The following PDYN variants were observed in gnomAD, a reference collection of about 807,000 sequenced individuals.
PDYN encodes the protein proenkephalin-B.
PDYN carries 5 observed loss-of-function variants against 11.4 expected under a neutral mutation model. The ratio of observed to expected loss-of-function variants is 0.44; its 90% CI spans 0.23 to 0.92. The LOEUF is 0.92. PDYN is among the 40% of genes least tolerant of loss of function. The pLI, the probability that PDYN is intolerant of heterozygous loss-of-function variation, is 0.24. For missense variants in PDYN, 337 were observed against 317.3 expected (o/e 1.06, Z -0.47); for synonymous variants, 132 against 129.5 (o/e 1.02, Z -0.13).
chr20:1,980,749 T>G lies in PDYN; in HGVS notation c.339A>C (p.Pro113=). 5 of 1,614,192 alleles carry G rather than the reference T, an allele frequency of 3.1e-6. No homozygotes were observed. Among genetic ancestry groups the G allele is most frequent in the Non-Finnish European group, 4.2e-6 (5 of 1,180,026 alleles). ...GAGTGTTCTCCTTTGTTGAGATACTTGGGAGAAACTTGCTTTTCTCCAGCT... is the reference window on the plus strand; with the variant it reads ...GAGTGTTCTCCTTTGTTGAGATACTGGGGAGAAACTTGCTTTTCTCCAGCT... ...LKELEKSKFL[P]SISTKENTLS... The change falls in exon 4 of 4, where the codon CCA becomes CCC. Residue 113 remains proline, a synonymous_variant. Coordinates refer to ENST00000217305, the MANE Select transcript of PDYN (RefSeq NM_024411.5).
In PDYN at chr20:1,980,767, C is replaced by A. The variant is rs761883755; in HGVS notation, c.321G>T (p.Glu107Asp). 9.9e-6 allele frequency: 16 copies of A among 1,614,188 alleles called. No individual in the cohort carries two copies. The highest frequency in any genetic ancestry group is 1.4e-5 in the Non-Finnish European group (16 of 1,180,032). Residue 107 changes from glutamate to aspartate, a missense_variant, in exon 4 of 4, where the codon GAG (glutamate) becomes GAT (aspartate). Glu to Asp is a conservative substitution (Grantham distance 45). Coordinates refer to ENST00000217305, the MANE Select transcript of PDYN (RefSeq NM_024411.5). ...AGATACTTGGGAGAAACTTGCTTTT[C>A]TCCAGCTCCTTCAGGAATGACCCAG... ...KLSGSFLKEL[E>D]KSKFLPSIST... is the part of the protein sequence containing the mutation.
At chr20:1,989,178 C>A (rs12480838) in intron 2 of PDYN, among the ~76,000 whole-genome samples, 1 of 151,980 alleles carries the variant, frequency 6.6e-6, no homozygotes, top group Non-Finnish European at 1.5e-5. Flanking sequence ...ATTTTTTATG[C>A]CTTGCTAGTG....
chr20:1,980,935 A>G lies in PDYN; in HGVS notation c.153T>C (p.Ala51=), dbSNP rs1325037137. 5 of 1,614,174 alleles carry G rather than the reference A, an allele frequency of 3.1e-6. No homozygotes were observed. The highest frequency in any genetic ancestry group is 4.2e-6 in the Non-Finnish European group (5 of 1,180,046). Residue 51 remains alanine (A), a synonymous_variant, in exon 4 of 4, where the codon GCT becomes GCC. Coordinates refer to ENST00000217305, the MANE Select transcript of PDYN (RefSeq NM_024411.5). The part of the protein sequence containing the change: ...NPLICSLQCQ[A]ALLPSEEWER... ...CCCATTCCTCAGAGGGCAGCAGGGCAGCCTGGCATTGCAGGGAGCAAATCT... is the reference window on the plus strand; with the variant it reads ...CCCATTCCTCAGAGGGCAGCAGGGCGGCCTGGCATTGCAGGGAGCAAATCT...
chr20:1,980,225 G>T lies in PDYN; in HGVS notation c.*98C>A. ...TATTTTGTACACAATGCTGAGCTGA[G>T]CATGGGGAAGGGGCACATATAAGAG... On this transcript the variant is annotated 3_prime_UTR_variant, in exon 4 of 4. Transcript: ENST00000217305. 8.4e-7 allele frequency: 1 copy of T among 1,184,216 alleles called. No individual in the cohort carries two copies. The highest frequency in any genetic ancestry group is 1.3e-6 in the Non-Finnish European group (1 of 791,994). The allele number at this position is 1,184,216 out of a possible 1,614,324, so 73.4% of individuals were successfully genotyped here. A position where few individuals can be genotyped will look rare whatever the true frequency, so the allele number is the denominator to read the frequency against.
At chr20:1,981,554 C>A (rs1011293155) in intron 3 of PDYN, among the ~76,000 whole-genome samples, 1 of 152,148 alleles carries the variant, frequency 6.6e-6, no homozygotes, top group East Asian at 1.9e-4. Context: ...CATGCTTAAA[C>A]GTGGTGCTCT....
intron 2 of PDYN, among the ~76,000 whole-genome samples, chr20:1,987,439 G>T (rs2122374047): frequency 6.6e-6 from 1 of 152,276 alleles, no homozygotes; most frequent in Non-Finnish European, 1.5e-5. Flanking sequence ...TGGGGACATT[G>T]AGCCTGTATT....
intron 2 of PDYN, among the ~76,000 whole-genome samples, chr20:1,984,281 T>C (rs1988031033): frequency 6.6e-6 from 1 of 152,226 alleles, no homozygotes; most frequent in Non-Finnish European, 1.5e-5. Flanking sequence ...TCCTTCTTTG[T>C]CATTAAATTA....
rs767631485 is a variant in PDYN at position 1,979,563 on chromosome 20, C to G, written c.*760G>C. ...ATCATTTCCGAAAGAGGTTTTCACTCCCTTCTGTAAGGAGTTAGGCACTGT... is the reference window on the plus strand; with the variant it reads ...ATCATTTCCGAAAGAGGTTTTCACTGCCTTCTGTAAGGAGTTAGGCACTGT... On this transcript the variant is annotated 3_prime_UTR_variant, in exon 4 of 4. Coordinates refer to ENST00000217305, the MANE Select transcript of PDYN (RefSeq NM_024411.5). 3.5e-4 allele frequency: 53 copies of G among 152,248 alleles called. No individual in the cohort carries two copies. The highest frequency in any genetic ancestry group is 3.3e-3 in the Admixed American group (51 of 15,270). The allele number at this position is 152,248 out of a possible 1,614,324, so 9.4% of individuals were successfully genotyped here.
At chr20:1,982,864 A>C (rs1485820593) in intron 3 of PDYN, 92 bp downstream of exon 3, 1 of 1,385,484 alleles carries the variant, frequency 7.2e-7, no homozygotes, top group African/African-American at 1.4e-5. Flanking sequence ...ACAAGACAGC[A>C]CACAGCTGCC....
At chr20:1,992,354 G>T (rs1988485940) in intron 2 of PDYN, among the ~76,000 whole-genome samples, 1 of 152,146 alleles carries the variant, frequency 6.6e-6, no homozygotes, top group Admixed American at 6.5e-5. Flanking sequence ...CGTGTTTTAA[G>T]ATCGCAAATC....
chr20:1,983,289 A>C (rs1987950276), intron 2 of PDYN, among the ~76,000 whole-genome samples, 186 bp from the exon 3 acceptor site: 1 of 152,178 alleles, frequency 6.6e-6, no homozygotes, highest in African/African-American at 2.4e-5. Flanking sequence ...GGGTCAAGGA[A>C]GGGAATGAGC....
chr20:1,989,812 C>T (rs1336601049), intron 2 of PDYN, among the ~76,000 whole-genome samples: 1 of 152,140 alleles, frequency 6.6e-6, no homozygotes, highest in Non-Finnish European at 1.5e-5. Context: ...ACCGTGACTC[C>T]CACTAAAGAG....
At chr20:1,984,399 A>G (rs1988039084) in intron 2 of PDYN, among the ~76,000 whole-genome samples, 1 of 152,052 alleles carries the variant, frequency 6.6e-6, no homozygotes, top group African/African-American at 2.4e-5. Context: ...CCCACCTCAT[A>G]GTCTCCTATC....
At chr20:1,986,256 T>C (rs1988179112) in intron 2 of PDYN, among the ~76,000 whole-genome samples, 2 of 152,174 alleles carry the variant, frequency 1.3e-5, no homozygotes, top group African/African-American at 4.8e-5. Context: ...GTGGCAAAGC[T>C]GGGATTCCTA....
chr20:1,990,017 C>G (rs1734862570), intron 2 of PDYN, among the ~76,000 whole-genome samples: 1 of 152,224 alleles, frequency 6.6e-6, no homozygotes, highest in South Asian at 2.1e-4. Context: ...GGTCACAGAG[C>G]ATGGCAGAGT....
At chr20:1,988,440 G>A (rs6136643) in intron 2 of PDYN, among the ~76,000 whole-genome samples, 1 of 152,192 alleles carries the variant, frequency 6.6e-6, no homozygotes, top group Non-Finnish European at 1.5e-5. Flanking sequence ...CGACCTTTCT[G>A]ATGGGGATTT....
intron 2 of PDYN, among the ~76,000 whole-genome samples, chr20:1,987,956 G>C (rs1988262665): frequency 6.6e-6 from 1 of 152,164 alleles, no homozygotes; most frequent in African/African-American, 2.4e-5. Context: ...GCAAAAAGGA[G>C]AGATCATAAA....
rs1303161571 is a variant in PDYN, at chr20:1,983,017, A to C, written c.68T>G (p.Leu23Arg). ...TACAGCACACAAGGAGCACCGCGAC[A>C]GGCAGTCCGCTGTGGTGGAGGGGAA... ...LMFPSTTADCLSRCSLCAVKT... is the reference protein window; with the variant it reads ...LMFPSTTADCRSRCSLCAVKT... The change falls in exon 3 of 4, where the codon CTG becomes CGG. Residue 23 changes from leucine to arginine, a missense_variant. By Grantham distance (102) the Leu-to-Arg change is moderately radical. Transcript: ENST00000217305. 2.5e-6 allele frequency: 4 copies of C among 1,613,940 alleles called. No homozygotes were observed. The highest frequency in any genetic ancestry group is 1.7e-5 in the Admixed American group (1 of 59,998).
Position 1,991,153 on chromosome 20 carries a change from G to C in PDYN, c.-20+1431C>G, listed in dbSNP as rs181745323. Among the ~76,000 whole-genome samples the C allele has an allele frequency of 6.0e-3, 919 of 152,302 alleles. 9 individuals are homozygous for C. Among genetic ancestry groups the C allele is most frequent in the Non-Finnish European group, 7.1e-3 (485 of 68,012 alleles). On this transcript the variant is annotated intron_variant, in intron 2 of 3. Coordinates refer to ENST00000217305, the MANE Select transcript of PDYN (RefSeq NM_024411.5). The stretch of plus-strand genomic sequence containing the variant: ...CACAAACACCAATTCTCTCCCTCCT[G>C]CTGCTCTCTGAGTCTGCCCTTTGTT...
Sources: allele counts gnomAD v4.1 joint callset (sites outside exome capture counted in the v4.1 genomes callset), GRCh38; gene constraint gnomAD v4.1.1; transcripts MANE v1.5; gene names NCBI Gene and HGNC (gene_info 2026-07-23, HGNC 2026-07-21).